The following EDNRB variants were observed in gnomAD, a reference collection of about 807,000 sequenced individuals.
EDNRB encodes endothelin receptor type B.
In EDNRB, 18 loss-of-function variants were observed where a neutral mutation model predicts 46.4. That is an observed-to-expected ratio of 0.39 (90% CI 0.27 to 0.57). The LOEUF is 0.57. Among genes scored for constraint, EDNRB ranks in the 20% least tolerant of loss-of-function variants. The pLI is 0.61. For synonymous variants in EDNRB, 213 were observed against 204.9 expected (o/e 1.04, Z -0.34); for missense variants, 434 against 537.5 (o/e 0.81, Z 1.90).
At chr13:77,919,817 T>C, upstream of EDNRB, 1 of 563,122 alleles carries the variant, frequency 1.8e-6, no homozygotes, top group South Asian at 2.4e-5. Context: ...CAAGGGCAAG[T>C]TATCACGCAC....
chr13:77,900,751 C>A, intron 4 of EDNRB, 97 bp from the exon 5 acceptor site: 2 of 1,547,052 alleles, frequency 1.3e-6, no homozygotes, highest in South Asian at 2.3e-5. Context: ...TACAAAAAGT[C>A]AGTGGCATAT....
intron 1 of EDNRB, among the ~76,000 whole-genome samples, chr13:77,938,465 T>A (rs1242415377): frequency 6.7e-6 from 1 of 149,878 alleles, no homozygotes; most frequent in African/African-American, 2.5e-5. Flanking sequence ...TGGTACTTGC[T>A]GCTAAGGGTG....
At chr13:77,953,953 C>G (rs184462440) in intron 1 of EDNRB, among the ~76,000 whole-genome samples, 1 of 152,074 alleles carries the variant, frequency 6.6e-6, no homozygotes. Context: ...TAAAACTTCA[C>G]TTTTTGGAGA....
chr13:77,940,851 A>G (rs1432817430), intron 1 of EDNRB, among the ~76,000 whole-genome samples: 1 of 152,182 alleles, frequency 6.6e-6, no homozygotes, highest in Non-Finnish European at 1.5e-5. Context: ...GGTTAAGCGT[A>G]TAATTTATGA....
intron 1 of EDNRB, among the ~76,000 whole-genome samples, chr13:77,933,373 G>C (rs139578042): frequency 0.2 from 31,109 of 152,058 alleles, 3,734 homozygotes; most frequent in East Asian, 0.53. Context: ...GGTAGGTAAA[G>C]GAAAATTACA....
intron 1 of EDNRB, chr13:77,947,765 C>G (rs1043984357): frequency 3.3e-5 from 5 of 149,702 alleles, no homozygotes; most frequent in African/African-American, 1.2e-4. Flanking sequence ...CGTACCACCA[C>G]ACCCAGCTAA....
At chr13:77,958,327 C>A (rs1044511502) in intron 1 of EDNRB, among the ~76,000 whole-genome samples, 4 of 151,648 alleles carry the variant, frequency 2.6e-5, no homozygotes, top group Admixed American at 2.6e-4. Context: ...TCAGTAATTT[C>A]AAATTTTCCC....
chr13:77,919,126 T>C, upstream of EDNRB: 1 of 509,408 alleles, frequency 2.0e-6, no homozygotes, highest in Non-Finnish European at 3.2e-6. Context: ...CCTGGCTGGC[T>C]GAGCTACAGC....
intron 4 of EDNRB, 123 bp downstream of exon 4, chr13:77,900,935 A>G: frequency 1.7e-6 from 2 of 1,210,104 alleles, no homozygotes; most frequent in Non-Finnish European, 1.1e-6. Flanking sequence ...AACTACCAGA[A>G]ACAAGAAAAA....
At chr13:77,905,502 G>T (rs928901667) in intron 1 of EDNRB, among the ~76,000 whole-genome samples, 4 of 151,862 alleles carry the variant, frequency 2.6e-5, no homozygotes, top group African/African-American at 9.7e-5. Flanking sequence ...TATTTATTGA[G>T]CATTCACTAT....
At chr13:77,936,808 G>C (rs1443894675) in intron 1 of EDNRB, among the ~76,000 whole-genome samples, 1 of 152,260 alleles carries the variant, frequency 6.6e-6, no homozygotes, top group Non-Finnish European at 1.5e-5. Context: ...AGGAAGTCTT[G>C]TAGGAATGCT....
At chr13:77,974,679 A>G (rs1881834551) in intron 1 of EDNRB, among the ~76,000 whole-genome samples, 1 of 151,454 alleles carries the variant, frequency 6.6e-6, no homozygotes, top group African/African-American at 2.4e-5. Flanking sequence ...AACCACTGTG[A>G]AGGGATCTAA....
Position 77,973,681 on chromosome 13 carries a change from T to C in EDNRB, c.-52+1666A>G, listed in dbSNP as rs118036704. Among the ~76,000 whole-genome samples the C allele has an allele frequency of 1.0e-3, 154 of 152,244 alleles. 3 individuals carry two copies. The East Asian group carries it at 0.025, about 24-fold the overall frequency. ...AAAAGTATATTTTACTTTTTTTATA[T>C]ACCTTGCACATAAACTGTTTCTTTA... On this transcript the variant is annotated intron_variant, in intron 1 of 7. Transcript: ENST00000646948.
At chr13:77,907,790 T>C (rs1483147803) in intron 1 of EDNRB, among the ~76,000 whole-genome samples, 1 of 151,866 alleles carries the variant, frequency 6.6e-6, no homozygotes, top group Non-Finnish European at 1.5e-5. Flanking sequence ...ATCCAGGCCA[T>C]GTTTTGAGGT....
chr13:77,958,255 C>T (rs1354258275), intron 1 of EDNRB, among the ~76,000 whole-genome samples: 3 of 152,146 alleles, frequency 2.0e-5, no homozygotes, highest in African/African-American at 2.4e-5. Context: ...GATGGATAGC[C>T]TGGAATAAGA....
At chr13:77,968,854 G>A (rs372142392) in intron 1 of EDNRB, among the ~76,000 whole-genome samples, 16 of 152,064 alleles carry the variant, frequency 1.1e-4, no homozygotes, top group African/African-American at 2.4e-4. Context: ...AAGTTAGGCC[G>A]TTTGAGAAAT....
chr13:77,917,539 C>T (rs558015119), intron 1 of EDNRB, among the ~76,000 whole-genome samples: 1 of 152,170 alleles, frequency 6.6e-6, no homozygotes, highest in Non-Finnish European at 1.5e-5. Context: ...CAGATTCTAA[C>T]TTAGTAAGTC....
chr13:77,919,047 C>T (rs1879974398), upstream of EDNRB: 3 of 546,632 alleles, frequency 5.5e-6, no homozygotes, highest in South Asian at 5.2e-5. Context: ...CATTTTGCCC[C>T]GCAGGGGAAC....
rs1366871506 is a variant in EDNRB, at chr13:77,963,400, T to C, written c.-52+11947A>G. Among the ~76,000 whole-genome samples the C allele has an allele frequency of 2.6e-5, 4 of 152,136 alleles. No homozygotes were observed. In the East Asian group the frequency reaches 7.7e-4, roughly 29 times the overall value. On this transcript the variant is annotated intron_variant, in intron 1 of 7. Coordinates refer to the EDNRB transcript ENST00000646948. ...CAAGGCTACAGTAACCAAAACAGCA[T>C]GGTACTGGTACCAAAACAGAGATAT...
Sources: gnomAD v4.1 joint callset for allele counts (sites outside exome capture counted in the v4.1 genomes callset) on GRCh38, gnomAD v4.1.1 for gene constraint, MANE v1.5 for transcripts, NCBI Gene and HGNC (gene_info 2026-07-23, HGNC 2026-07-21) for gene names.